DRC1: variants seen among roughly 807,000 people sequenced by gnomAD.
DRC1 encodes the protein dynein regulatory complex protein 1.
In DRC1, 74 loss-of-function variants were observed where a neutral mutation model predicts 98.7. The ratio of observed to expected loss-of-function variants is 0.75; its 90% CI spans 0.62 to 0.91. The LOEUF (loss-of-function observed/expected upper bound fraction) is 0.91, where lower values mean the gene tolerates loss of function less well. Ranked by LOEUF, DRC1 falls within the 40% of genes least tolerant of loss-of-function variation. DRC1 has a pLI of 0.00. For missense variants in DRC1, 875 were observed against 886.0 expected, an observed-to-expected ratio of 0.99 and a Z score of 0.16; for synonymous variants, 336 against 334.1, an observed-to-expected ratio of 1.01 and a Z score of -0.06.
intron 7 of DRC1, among the ~76,000 whole-genome samples, chr2:26,436,765 G>C (rs190276207): frequency 6.6e-6 from 1 of 152,302 alleles, no homozygotes; most frequent in Admixed American, 6.5e-5. Context: ...GGGAAATGCT[G>C]TCTTAGGGAT....
At chr2:26,422,664 C>A (rs2147986251) in intron 3 of DRC1, among the ~76,000 whole-genome samples, 1 of 152,248 alleles carries the variant, frequency 6.6e-6, no homozygotes, top group Non-Finnish European at 1.5e-5. Context: ...GCATGTAATC[C>A]CAGCACTTTG....
chr2:26,413,233 C>A lies in DRC1; in HGVS notation c.156-1111C>A, dbSNP rs1278906249. ...CAAAGTATTTCTGAAATATTGTTTT[C>A]TCTTAATTAGTCAGCTACTAATATG... On this transcript the variant is annotated intron_variant, in intron 1 of 16. Transcript: ENST00000288710. Among the ~76,000 whole-genome samples, 4 of 152,138 alleles carry A rather than the reference C, an allele frequency of 2.6e-5. No homozygotes were observed. The East Asian group carries it at 7.7e-4, about 29-fold the overall frequency.
In DRC1 at chr2:26,429,630, G is replaced by C; in HGVS notation, c.543G>C (p.Glu181Asp). The change falls in exon 5 of 17, where the codon GAG becomes GAC. Residue 181 changes from glutamate (E) to aspartate (D), a missense_variant and splice_region_variant. Transcript: ENST00000288710. ...KNKLISELQQ[E>D]LKTKDDQYVK... ...GACTTTTACATGCTCTTTTCTAGGA[G>C]TTAAAAACAAAGGATGACCAGTATG... 3 of 1,613,834 alleles carry C rather than the reference G, an allele frequency of 1.9e-6. No homozygotes were observed. The highest frequency in any genetic ancestry group is 2.5e-6 in the Non-Finnish European group (3 of 1,179,936).
At chr2:26,443,091 T>A (rs535745165) in intron 8 of DRC1, among the ~76,000 whole-genome samples, 2 of 152,196 alleles carry the variant, frequency 1.3e-5, no homozygotes, top group Non-Finnish European at 2.9e-5. Context: ...AGGTAACGAC[T>A]TTTTTTGCAT....
chr2:26,415,935 C>CA (rs59566642), intron 2 of DRC1, among the ~76,000 whole-genome samples: 5,439 of 98,210 alleles, frequency 0.055, 147 homozygotes, highest in Middle Eastern at 0.081. Flanking sequence ...CTTTCTCTTT[C>CA]AAAAAAAAAA....
intron 16 of DRC1, 28 bp downstream of exon 16, chr2:26,455,261 G>A: frequency 6.2e-7 from 1 of 1,604,422 alleles, no homozygotes; most frequent in Non-Finnish European, 8.5e-7. Flanking sequence ...CCAAGGAGGG[G>A]CAGCGGGAGA....
chr2:26,432,797 G>A (rs983381620), intron 7 of DRC1, among the ~76,000 whole-genome samples: 1 of 152,126 alleles, frequency 6.6e-6, no homozygotes, highest in African/African-American at 2.4e-5. Flanking sequence ...TTAATGAATG[G>A]TATCTCTAAT....
chr2:26,435,069 A>G (rs1448085478), intron 7 of DRC1, among the ~76,000 whole-genome samples: 1 of 152,068 alleles, frequency 6.6e-6, no homozygotes, highest in African/African-American at 2.4e-5. Context: ...TGGGGTCTCT[A>G]GAGTCAGCAG....
At chr2:26,426,041 G>T (rs1394880725) in intron 4 of DRC1, among the ~76,000 whole-genome samples, 1 of 152,064 alleles carries the variant, frequency 6.6e-6, no homozygotes, top group Admixed American at 6.5e-5. Context: ...ATAGTTTTAG[G>T]TCTTTAATCG....
chr2:26,426,165 G>C (rs1460990978), intron 4 of DRC1, among the ~76,000 whole-genome samples: 4 of 152,082 alleles, frequency 2.6e-5, no homozygotes, highest in African/African-American at 9.7e-5. Context: ...TTTCTCCACT[G>C]TATAGTCTTG....
intron 7 of DRC1, among the ~76,000 whole-genome samples, chr2:26,435,643 C>T (rs1663549835): frequency 6.6e-6 from 1 of 152,136 alleles, no homozygotes; most frequent in African/African-American, 2.4e-5. Context: ...TCATTGGTCC[C>T]ACTTATAGTG....
intron 3 of DRC1, among the ~76,000 whole-genome samples, chr2:26,423,369 G>A (rs910810298): frequency 6.6e-6 from 1 of 152,184 alleles, no homozygotes; most frequent in Non-Finnish European, 1.5e-5. Context: ...GGGATTGCAG[G>A]ATGTTTAAGC....
At chr2:26,430,942 G>C in intron 6 of DRC1, 70 bp downstream of exon 6, 1 of 1,029,620 alleles carries the variant, frequency 9.7e-7, no homozygotes, top group South Asian at 1.6e-5. Context: ...GAATTTGCTA[G>C]CTAGCCTTTT....
chr2:26,437,987 G>A (rs1663616135), intron 7 of DRC1, among the ~76,000 whole-genome samples: 1 of 151,006 alleles, frequency 6.6e-6, no homozygotes, highest in Non-Finnish European at 1.5e-5. Context: ...AGCTATTTGG[G>A]AGGCTGAGGC....
At chr2:26,411,838 TTTGTTG>T (rs906885253) in intron 1 of DRC1, among the ~76,000 whole-genome samples, 1 of 152,032 alleles carries the variant, frequency 6.6e-6, no homozygotes, top group African/African-American at 2.4e-5. Flanking sequence ...GCATGGTTTT[TTTGTTG>T]TTGTTGTTGT....
At chr2:26,407,815 G>A (rs564827324) in intron 1 of DRC1, among the ~76,000 whole-genome samples, 2 of 152,066 alleles carry the variant, frequency 1.3e-5, no homozygotes, top group South Asian at 4.2e-4. Flanking sequence ...TTGCATTTAT[G>A]ACCCAATTGT....
At position 26,456,471 on chromosome 2, in the gene DRC1, A is replaced by G; in HGVS notation, c.2177A>G (p.Glu726Gly). The G allele has an allele frequency of 6.2e-7, 1 of 1,614,160 alleles. No homozygotes were observed. The highest frequency in any genetic ancestry group is 1.1e-5 in the South Asian group (1 of 91,084). The change falls in exon 17 of 17, where the codon GAA (glutamate) becomes GGA (glycine). Residue 726 changes from glutamate to glycine, a missense_variant. Glu to Gly is a moderately conservative substitution (Grantham distance 98). Transcript: ENST00000288710. Reference protein sequence around the residue: ...QQYLNSKINSELQVPPTQVLR... With the variant: ...QQYLNSKINSGLQVPPTQVLR... ...CCCTTTCTTTTCCAGATCAACTCTG[A>G]ACTGCAAGTTCCTCCCACTCAGGTG...
In DRC1 at chr2:26,450,648, A is replaced by G. The variant is rs141656670; in HGVS notation, c.1656A>G (p.Lys552=). 5 of 1,609,544 alleles carry G rather than the reference A, an allele frequency of 3.1e-6. No individual in the cohort carries two copies. The highest frequency in any genetic ancestry group is 1.7e-6 in the Non-Finnish European group (2 of 1,178,034). The change falls in exon 13 of 17, where the codon AAA becomes AAG. Residue 552 remains lysine, a synonymous_variant. Transcript: ENST00000288710. The part of the protein sequence containing the change: ...DLYKLVNFFL[K]YRAHRLSSSL... ...ATAAACTGGTGAACTTCTTCCTTAA[A>G]TATCGAGCTCACCGTTTATCTTCCA...
intron 8 of DRC1, 66 bp downstream of exon 8, chr2:26,440,583 C>CT (rs1663694171): frequency 2.0e-6 from 3 of 1,491,096 alleles, no homozygotes; most frequent in South Asian, 3.0e-5. Context: ...TGGATATGTA[C>CT]TTTTTTCTAT....
Sources: allele counts gnomAD v4.1 joint callset (sites outside exome capture counted in the v4.1 genomes callset), GRCh38; gene constraint gnomAD v4.1.1; transcripts MANE v1.5; gene names NCBI Gene and HGNC (gene_info 2026-07-23, HGNC 2026-07-21).